Variants in EBF1 observed in about 807,000 individuals in gnomAD.
EBF1 encodes transcription factor COE1.
In EBF1, 10 loss-of-function variants were observed where a neutral mutation model predicts 68.4. That is an observed-to-expected ratio of 0.15 (90% CI 0.09 to 0.25). The LOEUF (loss-of-function observed/expected upper bound fraction) is 0.25, where lower values mean the gene tolerates loss of function less well. Among genes scored for constraint, EBF1 ranks in the 10% least tolerant of loss-of-function variants. EBF1 has a pLI of 1.00. For missense variants in EBF1, 509 were observed against 794.4 expected, an observed-to-expected ratio of 0.64 and a Z score of 4.32; for synonymous variants, 298 against 299.8, an observed-to-expected ratio of 0.99 and a Z score of 0.06.
chr5:158,947,896 A>G (rs930370069), intron 6 of EBF1, among the ~76,000 whole-genome samples: 1 of 152,226 alleles, frequency 6.6e-6, no homozygotes, highest in Non-Finnish European at 1.5e-5. Context: ...AAATCGCTGA[A>G]GCATCCTTAC....
intron 6 of EBF1, among the ~76,000 whole-genome samples, chr5:159,023,878 G>A (rs1335888598): frequency 6.6e-6 from 1 of 152,188 alleles, no homozygotes; most frequent in Non-Finnish European, 1.5e-5. Flanking sequence ...TTGGAGGAAA[G>A]GGTGGGCAAA....
chr5:159,080,207 C>T (rs1010281185), intron 5 of EBF1, among the ~76,000 whole-genome samples: 4 of 152,152 alleles, frequency 2.6e-5, no homozygotes, highest in African/African-American at 4.8e-5. Flanking sequence ...CTGAAACAGA[C>T]GTGCCCAAAC....
At chr5:158,715,492 C>T (rs1760461038) in intron 11 of EBF1, among the ~76,000 whole-genome samples, 1 of 152,166 alleles carries the variant, frequency 6.6e-6, no homozygotes, top group Non-Finnish European at 1.5e-5. Context: ...CTACTTATGA[C>T]ATATCTAATG....
At chr5:158,830,683 A>C (rs561511778) in intron 7 of EBF1, among the ~76,000 whole-genome samples, 50 of 152,344 alleles carry the variant, frequency 3.3e-4, no homozygotes, top group South Asian at 2.9e-3. Flanking sequence ...TATTATTTAC[A>C]TAAAAATAGT....
intron 6 of EBF1, among the ~76,000 whole-genome samples, chr5:158,989,930 C>T (rs1277160779): frequency 6.6e-6 from 1 of 151,950 alleles, no homozygotes; most frequent in Non-Finnish European, 1.5e-5. Flanking sequence ...GCAGTCTTGG[C>T]AGGGGGAATA....
rs1562129928 is a variant in EBF1 at position 158,855,744 on chromosome 5, AATTT to A, written c.555-15638_555-15635del. ...CGCCTGATGAATTCTCAACTTTCTG[AATTT>A]TCTAACTCATAACAGTGACTATGCA... On this transcript the variant is annotated intron_variant, in intron 6 of 15. Coordinates refer to ENST00000313708, the MANE Select transcript of EBF1 (RefSeq NM_024007.5). 2.7e-3 allele frequency among the ~76,000 whole-genome samples: 416 copies of A among 152,318 alleles called. 1 individual carries two copies. The highest frequency in any genetic ancestry group is 9.7e-3 in the African/African-American group (404 of 41,552).
chr5:158,740,531 A>T (rs1171172586), intron 10 of EBF1, among the ~76,000 whole-genome samples: 1 of 152,216 alleles, frequency 6.6e-6, no homozygotes, highest in Non-Finnish European at 1.5e-5. Context: ...CACTAATTCC[A>T]CTAATAAGAC....
chr5:158,909,299 T>C (rs532599493), intron 6 of EBF1, among the ~76,000 whole-genome samples: 6 of 152,250 alleles, frequency 3.9e-5, no homozygotes, highest in African/African-American at 1.4e-4. Flanking sequence ...GTTTGGATTT[T>C]GGTGGGGGTT....
chr5:158,884,066 G>A (rs1351678285), intron 6 of EBF1, among the ~76,000 whole-genome samples: 1 of 152,086 alleles, frequency 6.6e-6, no homozygotes, highest in Admixed American at 6.5e-5. Flanking sequence ...CAAACACCCT[G>A]CACCCTGTAA....
chr5:159,032,202 C>G (rs975625399), intron 6 of EBF1, among the ~76,000 whole-genome samples: 6 of 152,198 alleles, frequency 3.9e-5, no homozygotes, highest in Admixed American at 6.5e-5. Context: ...CCAGAATCAT[C>G]TCCTGTAATC....
At chr5:158,873,814 T>A (rs558823257) in intron 6 of EBF1, among the ~76,000 whole-genome samples, 5 of 152,322 alleles carry the variant, frequency 3.3e-5, no homozygotes, top group African/African-American at 9.6e-5. Flanking sequence ...TCAGTGCTAT[T>A]TAAAGACACC....
chr5:158,961,328 G>A (rs202198434), intron 6 of EBF1, among the ~76,000 whole-genome samples: 2 of 151,472 alleles, frequency 1.3e-5, no homozygotes, highest in African/African-American at 2.4e-5. Flanking sequence ...AAGCTTAAAG[G>A]AAAAAAAAAT....
rs1246776381 is a variant in EBF1 at position 159,089,815 on chromosome 5, G to GGAAA, written c.412-5080_412-5077dup. Reference sequence around the variant, plus strand: ...AAGAAAAGAAGAAAGAAAGAAAGAAGGAAAGAAAGAAAGAAGAAAAGAAAA... The same window carrying GGAAA: ...AAGAAAAGAAGAAAGAAAGAAAGAAGGAAAGAAAGAAAGAAAGAAGAAAAGAAAA... On this transcript the variant is annotated intron_variant, in intron 4 of 15. Transcript: ENST00000313708. Among the ~76,000 whole-genome samples, 7 of 137,384 alleles carry GGAAA rather than the reference G, an allele frequency of 5.1e-5. No individual in the cohort carries two copies. In the South Asian group the frequency reaches 1.4e-3, roughly 27 times the overall value. 90.1% of individuals were successfully genotyped at this position (137,384 alleles called of 152,430 possible). A position where few individuals can be genotyped will look rare whatever the true frequency, so the allele number is the denominator to read the frequency against.
intron 9 of EBF1, among the ~76,000 whole-genome samples, chr5:158,783,075 T>C (rs916202462): frequency 1.1e-4 from 16 of 152,150 alleles, no homozygotes; most frequent in African/African-American, 3.4e-4. Context: ...CCACACAAGA[T>C]CTTTGCTAAA....
intron 6 of EBF1, among the ~76,000 whole-genome samples, chr5:159,009,771 C>CA (rs11301958): frequency 8.7e-4 from 108 of 124,184 alleles, no homozygotes; most frequent in South Asian, 1.8e-3. Flanking sequence ...GACCCCATCT[C>CA]AAAAAAAAAA....
chr5:159,038,758 G>C (rs1480320969), intron 6 of EBF1, among the ~76,000 whole-genome samples: 3 of 152,156 alleles, frequency 2.0e-5, no homozygotes, highest in Non-Finnish European at 4.4e-5. Context: ...CCTTGATCTA[G>C]TGTCTGAGCA....
At chr5:158,784,735 A>T (rs1173174630) in intron 9 of EBF1, among the ~76,000 whole-genome samples, 1 of 152,188 alleles carries the variant, frequency 6.6e-6, no homozygotes, top group Non-Finnish European at 1.5e-5. Context: ...CTCAAAGAGA[A>T]GGGATAAAAG....
At chr5:158,840,163 GA>G in intron 6 of EBF1, 53 bp from the exon 7 acceptor site, 5 of 1,376,048 alleles carry the variant, frequency 3.6e-6, no homozygotes, top group Non-Finnish European at 5.2e-6. Flanking sequence ...ACACGGGAGG[GA>G]AAAAAGAGGT....
chr5:158,893,513 C>A (rs999221270), intron 6 of EBF1, among the ~76,000 whole-genome samples: 2 of 152,150 alleles, frequency 1.3e-5, no homozygotes, highest in African/African-American at 4.8e-5. Flanking sequence ...AGTTGTTTAG[C>A]CTTTGGCACT....
Sources: gnomAD v4.1 joint callset for allele counts (sites outside exome capture counted in the v4.1 genomes callset) on GRCh38, gnomAD v4.1.1 for gene constraint, MANE v1.5 for transcripts, NCBI Gene and HGNC (gene_info 2026-07-23, HGNC 2026-07-21) for gene names.